The following KLHL32 variants were observed in gnomAD, a reference collection of about 807,000 sequenced individuals.
The protein encoded by KLHL32 is kelch like family member 32, also known as kelch-like protein 32.
In KLHL32, 35 loss-of-function variants were observed where a neutral mutation model predicts 64.8. That is an observed-to-expected ratio of 0.54 (90% confidence interval 0.41 to 0.72). The LOEUF (loss-of-function observed/expected upper bound fraction) is 0.72, where lower values mean the gene tolerates loss of function less well. Ranked by LOEUF, KLHL32 falls within the 30% of genes least tolerant of loss-of-function variation. The pLI, the probability that KLHL32 is intolerant of heterozygous loss-of-function variation, is 0.00. For missense variants in KLHL32, 589 were observed against 768.5 expected (o/e 0.77, Z 2.76); for synonymous variants, 259 against 281.0 (o/e 0.92, Z 0.78).
At chr6:96,904,945 CCT>C in the KLHL32 span, among the ~76,000 whole-genome samples, 1 of 152,130 alleles carries the variant, frequency 6.6e-6, no homozygotes, top group African/African-American at 2.4e-5. Context: ...ATAACAATTC[CCT>C]GTCTTCTTTC....
chr6:97,015,362 T>C (rs1176659883), intron 3 of KLHL32, among the ~76,000 whole-genome samples: 1 of 152,174 alleles, frequency 6.6e-6, no homozygotes, highest in East Asian at 1.9e-4. Context: ...TGTGGGAAAG[T>C]TTGAAGCTCC....
At chr6:96,958,218 TA>T (rs1285298465) in intron 1 of KLHL32, among the ~76,000 whole-genome samples, 1 of 152,078 alleles carries the variant, frequency 6.6e-6, no homozygotes, top group Non-Finnish European at 1.5e-5. Context: ...GGGTTACAGG[TA>T]GAAATGAAAC....
chr6:97,086,226 T>A (rs1269767991), intron 6 of KLHL32, among the ~76,000 whole-genome samples: 1 of 152,228 alleles, frequency 6.6e-6, no homozygotes, highest in Non-Finnish European at 1.5e-5. Context: ...AAACAGTGAA[T>A]CCCTGGTATC....
At chr6:96,993,885 C>T (rs938578815) in intron 3 of KLHL32, among the ~76,000 whole-genome samples, 2 of 152,016 alleles carry the variant, frequency 1.3e-5, no homozygotes, top group African/African-American at 2.4e-5. Flanking sequence ...GTTAGGGAAC[C>T]GGAGTCTTTT....
chr6:97,084,146 A>C (rs945286340), intron 5 of KLHL32, among the ~76,000 whole-genome samples: 2 of 152,234 alleles, frequency 1.3e-5, no homozygotes, highest in African/African-American at 4.8e-5. Flanking sequence ...TTGGATTTAT[A>C]GAGTGAAATG....
intron 5 of KLHL32, among the ~76,000 whole-genome samples, chr6:97,068,649 G>C (rs1374631133): frequency 1.3e-5 from 2 of 152,150 alleles, no homozygotes; most frequent in Non-Finnish European, 2.9e-5. Context: ...TCATTTATCA[G>C]CACACTTTGT....
intron 1 of KLHL32, among the ~76,000 whole-genome samples, chr6:96,946,818 C>T (rs1771974271): frequency 6.6e-6 from 1 of 151,900 alleles, no homozygotes; most frequent in African/African-American, 2.4e-5. Context: ...TTGTTTTATA[C>T]TCTGGTTACT....
At chr6:97,082,291 AC>A (rs1747814424) in intron 5 of KLHL32, among the ~76,000 whole-genome samples, 1 of 152,166 alleles carries the variant, frequency 6.6e-6, no homozygotes, top group Non-Finnish European at 1.5e-5. Context: ...AAGAGGAGAT[AC>A]AGGAGTAGAT....
chr6:97,007,344 A>G (rs1779793410), intron 3 of KLHL32, among the ~76,000 whole-genome samples: 1 of 152,036 alleles, frequency 6.6e-6, no homozygotes, highest in Non-Finnish European at 1.5e-5. Context: ...GCTTTACCAG[A>G]TCATTTCTTA....
the KLHL32 span, among the ~76,000 whole-genome samples, chr6:96,899,685 G>A: frequency 6.6e-6 from 1 of 152,112 alleles, no homozygotes; most frequent in African/African-American, 2.4e-5. Context: ...ACTCACAATT[G>A]GCTGTCACCC....
At chr6:96,982,007 T>C (rs1225779796) in intron 3 of KLHL32, among the ~76,000 whole-genome samples, 1 of 152,174 alleles carries the variant, frequency 6.6e-6, no homozygotes, top group African/African-American at 2.4e-5. Flanking sequence ...CATGTGCATA[T>C]GATAAAAATA....
intron 1 of KLHL32, among the ~76,000 whole-genome samples, chr6:96,956,159 G>A (rs1033257613): frequency 6.6e-6 from 1 of 152,048 alleles, no homozygotes; most frequent in African/African-American, 2.4e-5. Context: ...TCACTATCAC[G>A]AGAACAGCAT....
Position 97,140,103 on chromosome 6 carries a change from C to CTAGA in KLHL32, c.*826_*829dup, listed in dbSNP as rs1158073955. The CTAGA allele has an allele frequency of 6.6e-6, 1 of 151,880 alleles. No individual in the cohort carries two copies. Among genetic ancestry groups the CTAGA allele is most frequent in the African/African-American group, 2.4e-5 (1 of 41,350 alleles). 9.4% of individuals were successfully genotyped at this position (151,880 alleles called of 1,614,324 possible). A position where few individuals can be genotyped will look rare whatever the true frequency, so the allele number is the denominator to read the frequency against. On this transcript the variant is annotated 3_prime_UTR_variant, in exon 11 of 11. Coordinates refer to ENST00000369261, the MANE Select transcript of KLHL32 (RefSeq NM_052904.4). ...GATTATTTTTGAAGTTTAAAAATTACTAGATAGAATTTGGAAACATGTTGT... is the reference window on the plus strand; with the variant it reads ...GATTATTTTTGAAGTTTAAAAATTACTAGATAGATAGAATTTGGAAACATGTTGT...
chr6:97,108,841 TATATC>T (rs1395460056), intron 6 of KLHL32, among the ~76,000 whole-genome samples: 4 of 152,226 alleles, frequency 2.6e-5, no homozygotes, highest in Admixed American at 6.5e-5. Context: ...TTAAGTATCT[TATATC>T]ATAACTTAAG....
rs1800445249 is a variant in KLHL32, at chr6:97,139,432, T to C, written c.*150T>C. On this transcript the variant is annotated 3_prime_UTR_variant, in exon 11 of 11. Coordinates refer to ENST00000369261, the MANE Select transcript of KLHL32 (RefSeq NM_052904.4). ...GCAAAAAATGAACAATTTTCTAAAA[T>C]ACGTTATTGAAAACTCGTCACCCTT... 1.5e-6 allele frequency: 1 copy of C among 668,984 alleles called. No homozygotes were observed. Among genetic ancestry groups the C allele is most frequent in the African/African-American group, 1.8e-5 (1 of 54,744 alleles). 41.4% of individuals were successfully genotyped at this position (668,984 alleles called of 1,614,324 possible). A position where few individuals can be genotyped will look rare whatever the true frequency, so the allele number is the denominator to read the frequency against.
At chr6:96,996,258 G>A (rs2128071224) in intron 3 of KLHL32, among the ~76,000 whole-genome samples, 1 of 152,336 alleles carries the variant, frequency 6.6e-6, no homozygotes, top group Non-Finnish European at 1.5e-5. Context: ...TGTTGGTAAA[G>A]TGATTCAAAT....
chr6:96,994,413 T>G, intron 3 of KLHL32: 1 of 719,022 alleles, frequency 1.4e-6, no homozygotes, highest in Non-Finnish European at 1.7e-6. Context: ...TACAAATTAT[T>G]TATGTTTTTT....
chr6:97,036,991 C>G (rs1784395675), intron 3 of KLHL32, among the ~76,000 whole-genome samples: 2 of 152,096 alleles, frequency 1.3e-5, no homozygotes, highest in South Asian at 4.1e-4. Flanking sequence ...ATCCTCAGTT[C>G]TAAAAAATGT....
rs374329048 is a variant in KLHL32 at position 97,066,031 on chromosome 6, C to T, written c.411+1305C>T. 1.1e-4 allele frequency among the ~76,000 whole-genome samples: 16 copies of T among 152,138 alleles called. 1 individual carries two copies. In the South Asian group the frequency reaches 1.7e-3, roughly 16 times the overall value. On this transcript the variant is annotated intron_variant, in intron 5 of 10. Transcript: ENST00000369261. ...CTTTCTTTTCCTCTCAATATTGTTA[C>T]GTGGTATAGGAAAGCTATTTTTAAT...
Sources: allele counts gnomAD v4.1 joint callset (sites outside exome capture counted in the v4.1 genomes callset), GRCh38; gene constraint gnomAD v4.1.1; transcripts MANE v1.5; gene names NCBI Gene and HGNC (gene_info 2026-07-23, HGNC 2026-07-21).